CBX6: variants seen among roughly 807,000 people sequenced by gnomAD.
CBX6 encodes the protein chromobox protein homolog 6.
Under a neutral mutation model 28.4 loss-of-function variants are expected in CBX6, and 7 were observed. The ratio of observed to expected loss-of-function variants is 0.25; its 90% CI spans 0.14 to 0.46. The LOEUF is 0.46. Among genes scored for constraint, CBX6 ranks in the 20% least tolerant of loss-of-function variants. CBX6 has a pLI of 0.99. For missense variants in CBX6, 512 were observed against 606.1 expected (o/e 0.84, Z 1.63); for synonymous variants, 297 against 273.4 (o/e 1.09, Z -0.85).
At chr22:38,868,875 G>A (rs1442178434) in intron 4 of CBX6, among the ~76,000 whole-genome samples, 1 of 152,206 alleles carries the variant, frequency 6.6e-6, no homozygotes, top group Non-Finnish European at 1.5e-5. Flanking sequence ...CAACTCTCAG[G>A]AGAGATGTTT....
In CBX6 at chr22:38,865,944, T is replaced by C; in HGVS notation, c.*265A>G. On this transcript the variant is annotated 3_prime_UTR_variant, in exon 5 of 5. Transcript: ENST00000407418. ...GGATGTGGAAGGGGCAGAGGAACCC[T>C]AGTTTCTAGGGCTTTCCAGAAACCA... is the stretch of plus-strand genomic sequence containing the variant. 1 of 519,468 alleles carries C rather than the reference T, an allele frequency of 1.9e-6. No individual in the cohort carries two copies. 32.2% of individuals were successfully genotyped at this position (519,468 alleles called of 1,614,324 possible).
Position 38,866,495 on chromosome 22 carries a change from G to C in CBX6, c.953C>G (p.Pro318Arg). ...CTTGCTGGTGGCTGCCGACTCGGGA[G>C]GGAGGGACAGGTCGAGCACCTCCGG... ...REPEVLDLSL[P>R]PESAATSKRA... The change falls in exon 5 of 5, where the codon CCT becomes CGT. Residue 318 changes from proline (P) to arginine (R), a missense_variant. Transcript: ENST00000407418. The surrounding 1 kb of genome is among the most constrained non-coding windows in gnomAD (Gnocchi z 7.5). The C allele has an allele frequency of 6.3e-7, 1 of 1,592,778 alleles. No homozygotes were observed. The highest frequency in any genetic ancestry group is 2.2e-5 in the East Asian group (1 of 44,486).
In CBX6 at chr22:38,867,200, G is replaced by A; in HGVS notation, c.248C>T (p.Ala83Val). ...GPKPKTFLLK[A>V]RAQAEALRIS... ...GCGGAGGGCCTCGGCCTGGGCCCGC[G>A]CCTGCGGGCAGAGGGAGGGGTGGGT... Residue 83 changes from alanine (A) to valine (V), a missense_variant and splice_region_variant, in exon 5 of 5, where the codon GCG becomes GTG. By Grantham distance (64) the Ala-to-Val change is moderately conservative. Transcript: ENST00000407418. 9.0e-7 allele frequency: 1 copy of A among 1,116,614 alleles called. No homozygotes were observed. Among genetic ancestry groups the A allele is most frequent in the Non-Finnish European group, 1.2e-6 (1 of 804,094 alleles). 69.2% of individuals were successfully genotyped at this position (1,116,614 alleles called of 1,614,324 possible). A position where few individuals can be genotyped will look rare whatever the true frequency, so the allele number is the denominator to read the frequency against.
In CBX6 at chr22:38,872,103, GC is replaced by G; in HGVS notation, c.69+18del. 3 of 1,366,132 alleles carry G rather than the reference GC, an allele frequency of 2.2e-6. No homozygotes were observed. Among genetic ancestry groups the G allele is most frequent in the South Asian group, 1.5e-5 (1 of 65,940 alleles). 84.6% of individuals were successfully genotyped at this position (1,366,132 alleles called of 1,614,324 possible). ...CCCCGGCTGCGGACAGCGGCGGCCC[GC>G]CCCGGGCGGCGGCTCACCTTTCGGA... On this transcript the variant is annotated intron_variant, in intron 1 of 4. Transcript: ENST00000407418. This position sits in a 1 kb window ranked among gnomAD's most constrained non-coding sequence, Gnocchi z 5.0.
In CBX6 at chr22:38,866,637, G is replaced by A; in HGVS notation, c.811C>T (p.Arg271Cys). The change falls in exon 5 of 5, where the codon CGC (arginine) becomes TGC (cysteine). Residue 271 changes from arginine (R) to cysteine (C), a missense_variant. This residue lies in a region of CBX6 where 290 missense variants were observed against 274.1 expected (regional missense o/e 1.06). Coordinates refer to ENST00000407418, the MANE Select transcript of CBX6 (RefSeq NM_014292.5). The surrounding 1 kb of genome is among the most constrained non-coding windows in gnomAD (Gnocchi z 7.5). ...LAAPAAPYDA[R>C]SSGSSGCPSP... Reference sequence around the variant, plus strand: ...GGGCAGCCGGAGGAGCCAGAGCTGCGGGCGTCGTAGGGGGCGGCGGGGGCG... The same window carrying A: ...GGGCAGCCGGAGGAGCCAGAGCTGCAGGCGTCGTAGGGGGCGGCGGGGGCG... 1.3e-6 allele frequency: 2 copies of A among 1,528,684 alleles called. No homozygotes were observed. Among genetic ancestry groups the A allele is most frequent in the Non-Finnish European group, 1.7e-6 (2 of 1,143,284 alleles). The allele number at this position is 1,528,684 out of a possible 1,614,324, so 94.7% of individuals were successfully genotyped here.
Position 38,866,880 on chromosome 22 carries a change from C to T in CBX6, c.568G>A (p.Ala190Thr), listed in dbSNP as rs560229334. ...GCCAGCGCCCCGGCCCCCTGCCCGG[C>T]GCCCCCGCCGCCAGCGCCCTTGTCG... ...VIDKGAGGGG[A>T]GQGAGALARP... is the part of the protein sequence containing the mutation. Residue 190 changes from alanine (A) to threonine (T), a missense_variant, in exon 5 of 5, where the codon GCC becomes ACC. By Grantham distance (58) the Ala-to-Thr change is moderately conservative. This residue lies in a region of CBX6 where 290 missense variants were observed against 274.1 expected (regional missense o/e 1.06). Transcript: ENST00000407418. This position sits in a 1 kb window ranked among gnomAD's most constrained non-coding sequence, Gnocchi z 7.5. 8.8e-6 allele frequency: 14 copies of T among 1,596,410 alleles called. No individual in the cohort carries two copies. The East Asian group carries it at 2.5e-4, about 28-fold the overall frequency.
rs1229198863 is a variant in CBX6, at chr22:38,863,022, T to C, written c.*3187A>G. On this transcript the variant is annotated 3_prime_UTR_variant, in exon 5 of 5. Transcript: ENST00000407418. ...CAGATCATAGGAAGGATGAGGCTCA[T>C]TTTGACCTTGACCCCTTTGCAGGGT... is the stretch of plus-strand genomic sequence containing the variant. 1 of 152,268 alleles carries C rather than the reference T, an allele frequency of 6.6e-6. No homozygotes were observed. Among genetic ancestry groups the C allele is most frequent in the Non-Finnish European group, 1.5e-5 (1 of 68,058 alleles). The allele number at this position is 152,268 out of a possible 1,614,324, so 9.4% of individuals were successfully genotyped here. A position where few individuals can be genotyped will look rare whatever the true frequency, so the allele number is the denominator to read the frequency against.
chr22:38,869,620 G>T (rs1431214570), intron 4 of CBX6: 1 of 152,142 alleles, frequency 6.6e-6, no homozygotes, highest in African/African-American at 2.4e-5. Flanking sequence ...CTCTTTGAAA[G>T]TGGGACCTGG....
Position 38,872,077 on chromosome 22 carries a change from GCCCCGGCTGCGGACAGCGGCGGCCCGC to G in CBX6, c.69+18_69+44del, listed in dbSNP as rs1458945097. ...TTCGCCCCGAGGGCCCCCGGCCCCG[GCCCCGGCTGCGGACAGCGGCGGCCCGC>G]CCCGGGCGGCGGCTCACCTTTCGGA... On this transcript the variant is annotated intron_variant, in intron 1 of 4. Coordinates refer to ENST00000407418, the MANE Select transcript of CBX6 (RefSeq NM_014292.5). This position sits in a 1 kb window ranked among gnomAD's most constrained non-coding sequence, Gnocchi z 5.0. 5.3e-6 allele frequency: 7 copies of G among 1,308,970 alleles called. No individual in the cohort carries two copies. In the African/African-American group the frequency reaches 1.1e-4, roughly 21 times the overall value. The allele number at this position is 1,308,970 out of a possible 1,614,324, so 81.1% of individuals were successfully genotyped here. A position where few individuals can be genotyped will look rare whatever the true frequency, so the allele number is the denominator to read the frequency against.
chr22:38,871,907 C>G lies in CBX6; in HGVS notation c.108G>C (p.Ala36=), dbSNP rs767538044. The part of the protein sequence containing the change: ...IEYLVKWKGW[A]IKYSTWEPEE... ...CCGGACCCCGCGACACTCACTTGAT[C>G]GCCCACCCCTTCCATTTCACCAGGT... is the stretch of plus-strand genomic sequence containing the variant. The change falls in exon 2 of 5, where the codon GCG becomes GCC. Residue 36 remains alanine (A), a synonymous_variant. Coordinates refer to ENST00000407418, the MANE Select transcript of CBX6 (RefSeq NM_014292.5). The surrounding 1 kb of genome is among the most constrained non-coding windows in gnomAD (Gnocchi z 5.6). 2 of 1,543,824 alleles carry G rather than the reference C, an allele frequency of 1.3e-6. No individual in the cohort carries two copies. Among genetic ancestry groups the G allele is most frequent in the East Asian group, 4.9e-5 (2 of 40,736 alleles).
rs199546180 is a variant in CBX6 at position 38,866,572 on chromosome 22, G to A, written c.876C>T (p.Pro292=). The part of the protein sequence containing the change: ...TPQSSDPDDT[P]PKLLPETVSP... ...TCACGGTCTCGGGGAGGAGCTTGGGGGGCGTGTCGTCGGGGTCAGAGGACT... is the reference window on the plus strand; with the variant it reads ...TCACGGTCTCGGGGAGGAGCTTGGGAGGCGTGTCGTCGGGGTCAGAGGACT... The change falls in exon 5 of 5, where the codon CCC becomes CCT. Residue 292 remains proline (P), a synonymous_variant. Transcript: ENST00000407418. The surrounding 1 kb of genome is among the most constrained non-coding windows in gnomAD (Gnocchi z 7.5). 2.5e-5 allele frequency: 40 copies of A among 1,576,646 alleles called. No individual in the cohort carries two copies. The East Asian group carries it at 6.4e-4, about 25-fold the overall frequency.
In CBX6 at chr22:38,866,350, G is replaced by A; in HGVS notation, c.1098C>T (p.Ser366=). The A allele has an allele frequency of 6.2e-7, 1 of 1,613,896 alleles. No homozygotes were observed. The change falls in exon 5 of 5, where the codon TCC becomes TCT. Residue 366 remains serine (S), a synonymous_variant. Coordinates refer to ENST00000407418, the MANE Select transcript of CBX6 (RefSeq NM_014292.5). The surrounding 1 kb of genome is among the most constrained non-coding windows in gnomAD (Gnocchi z 7.5). ...TGGTGACATCGGTGACGACCACATT[G>A]GAGCAGGGTGACATCTCGGGGCGCC... ...GDWRPEMSPC[S]NVVVTDVTSN...
chr22:38,863,053 CAA>C lies in CBX6; in HGVS notation c.*3154_*3155del, dbSNP rs1206292903. On this transcript the variant is annotated 3_prime_UTR_variant, in exon 5 of 5. Coordinates refer to ENST00000407418, the MANE Select transcript of CBX6 (RefSeq NM_014292.5). ...CCTTGACCCCTTTGCAGGGTGAGAA[CAA>C]AGAGGGGTTGTGGGCAGCTGGGGGC... is the stretch of plus-strand genomic sequence containing the variant. 1 of 152,232 alleles carries C rather than the reference CAA, an allele frequency of 6.6e-6. No homozygotes were observed. Among genetic ancestry groups the C allele is most frequent in the Non-Finnish European group, 1.5e-5 (1 of 68,058 alleles). 9.4% of individuals were successfully genotyped at this position (152,232 alleles called of 1,614,324 possible). A position where few individuals can be genotyped will look rare whatever the true frequency, so the allele number is the denominator to read the frequency against.
rs2093160860 is a variant in CBX6 at position 38,862,885 on chromosome 22, C to T, written c.*3324G>A. The T allele has an allele frequency of 6.6e-6, 1 of 152,356 alleles. No homozygotes were observed. Among genetic ancestry groups the T allele is most frequent in the African/African-American group, 2.4e-5 (1 of 41,482 alleles). 9.4% of individuals were successfully genotyped at this position (152,356 alleles called of 1,614,324 possible). A position where few individuals can be genotyped will look rare whatever the true frequency, so the allele number is the denominator to read the frequency against. On this transcript the variant is annotated 3_prime_UTR_variant, in exon 5 of 5. Transcript: ENST00000407418. Reference sequence around the variant, plus strand: ...GGCCCCAGTCCCTGCCGCATTCCCCCAGTGAAGCAGCTGCGCTTCTCCAAA... The same window carrying T: ...GGCCCCAGTCCCTGCCGCATTCCCCTAGTGAAGCAGCTGCGCTTCTCCAAA...
rs2093166345 is a variant in CBX6 at position 38,865,053 on chromosome 22, G to C, written c.*1156C>G. 6.6e-6 allele frequency: 1 copy of C among 152,308 alleles called. No homozygotes were observed. Among genetic ancestry groups the C allele is most frequent in the South Asian group, 2.1e-4 (1 of 4,834 alleles). 9.4% of individuals were successfully genotyped at this position (152,308 alleles called of 1,614,324 possible). A position where few individuals can be genotyped will look rare whatever the true frequency, so the allele number is the denominator to read the frequency against. On this transcript the variant is annotated 3_prime_UTR_variant, in exon 5 of 5. Transcript: ENST00000407418. ...GGCTGGGCTGTGAGAAAGCCTCCGTGGTCAGAAGCAAAAGAGGGGCTGGGA... is the reference window on the plus strand; with the variant it reads ...GGCTGGGCTGTGAGAAAGCCTCCGTCGTCAGAAGCAAAAGAGGGGCTGGGA...
chr22:38,871,378 C>A lies in CBX6; in HGVS notation c.246+102G>T. 1 of 1,250,574 alleles carries A rather than the reference C, an allele frequency of 8.0e-7. No individual in the cohort carries two copies. The allele number at this position is 1,250,574 out of a possible 1,614,324, so 77.5% of individuals were successfully genotyped here. ...GCTGGGGCCCCTCTGAAAAGGCCGG[C>A]CCGCTTGGGCGGCCGCGTATCTGTC... On this transcript the variant is annotated intron_variant, in intron 4 of 4. Transcript: ENST00000407418. This position sits in a 1 kb window ranked among gnomAD's most constrained non-coding sequence, Gnocchi z 5.6.
rs2146213069 is a variant in CBX6 at position 38,866,532 on chromosome 22, T to A, written c.916A>T (p.Ser306Cys). The change falls in exon 5 of 5, where the codon AGC becomes TGC. Residue 306 changes from serine to cysteine, a missense_variant. Physicochemically the swap from Ser to Cys is moderately radical, Grantham distance 112 (BLOSUM62 -1). Around this residue, in one of 7 missense-constraint regions of CBX6, gnomAD observed 290 missense variants for 274.1 expected, o/e 1.06. Coordinates refer to ENST00000407418, the MANE Select transcript of CBX6 (RefSeq NM_014292.5). This position sits in a 1 kb window ranked among gnomAD's most constrained non-coding sequence, Gnocchi z 7.5. ...TCGAGCACCTCCGGCTCGCGCCAGC[T>A]GGGGGCGGATGGGCTCACGGTCTCG... ...LPETVSPSAP[S>C]WREPEVLDLS... The A allele has an allele frequency of 1.3e-6, 2 of 1,577,356 alleles. No individual in the cohort carries two copies. Among genetic ancestry groups the A allele is most frequent in the East Asian group, 2.3e-5 (1 of 43,968 alleles).
rs753017075 is a variant in CBX6, at chr22:38,867,177, G to T, written c.271C>A (p.Arg91Ser). 3 of 1,543,606 alleles carry T rather than the reference G, an allele frequency of 1.9e-6. No individual in the cohort carries two copies. Among genetic ancestry groups the T allele is most frequent in the Non-Finnish European group, 2.6e-6 (3 of 1,150,188 alleles). ...LKARAQAEAL[R>S]ISDVHFSVKP... The stretch of plus-strand genomic sequence containing the variant: ...ACAGAGAAATGCACATCACTGATGC[G>T]GAGGGCCTCGGCCTGGGCCCGCGCC... The change falls in exon 5 of 5, where the codon CGC becomes AGC. Residue 91 changes from arginine (R) to serine (S), a missense_variant. By Grantham distance (110) the Arg-to-Ser change is moderately radical. Coordinates refer to ENST00000407418, the MANE Select transcript of CBX6 (RefSeq NM_014292.5).
rs1421249694 is a variant in CBX6 at position 38,863,324 on chromosome 22, T to G, written c.*2885A>C. The G allele has an allele frequency of 6.6e-6, 1 of 152,134 alleles. No homozygotes were observed. The highest frequency in any genetic ancestry group is 1.5e-5 in the Non-Finnish European group (1 of 68,016). 9.4% of individuals were successfully genotyped at this position (152,134 alleles called of 1,614,324 possible). A position where few individuals can be genotyped will look rare whatever the true frequency, so the allele number is the denominator to read the frequency against. On this transcript the variant is annotated 3_prime_UTR_variant, in exon 5 of 5. Transcript: ENST00000407418. ...GGCGCACTTAAGGGGAGATGACGGA[T>G]GCCCCAACCAATATTGAACGTAGGA...
Sources: gnomAD v4.1 joint callset for allele counts (sites outside exome capture counted in the v4.1 genomes callset) on GRCh38, gnomAD v4.1.1 for gene constraint, gnomAD v4.1.1 regional missense constraint, Gnocchi (gnomAD v3.1) non-coding constraint, MANE v1.5 for transcripts, NCBI Gene and HGNC (gene_info 2026-07-23, HGNC 2026-07-21) for gene names.